Variants in GNAS observed in about 807,000 individuals in gnomAD.
The protein encoded by GNAS is GNAS complex locus.
A neutral mutation model predicts 54.5 loss-of-function variants in GNAS; 8 were observed. That is an observed-to-expected ratio of 0.15 (90% confidence interval 0.09 to 0.26). GNAS has a LOEUF of 0.26. GNAS is among the 10% of genes least tolerant of loss of function. The pLI is 1.00. For missense variants in GNAS, 170 were observed against 529.8 expected (o/e 0.32, Z 6.67); for synonymous variants, 204 against 191.4 (o/e 1.07, Z -0.54).
chr20:58,852,997 G>C, intron 1 of GNAS: 1 of 1,266,204 alleles, frequency 7.9e-7, no homozygotes, highest in Non-Finnish European at 9.9e-7. Context: ...GACCAAGGAA[G>C]AGGGGCTGGG....
At chr20:58,900,144 T>C in intron 3 of GNAS, 1 of 583,222 alleles carries the variant, frequency 1.7e-6, no homozygotes, top group Non-Finnish European at 3.1e-6. Flanking sequence ...TGAACTGAAA[T>C]CCTTAATTGG....
chr20:58,865,690 T>C (rs9679921), intron 1 of GNAS, among the ~76,000 whole-genome samples: 65,327 of 150,858 alleles, frequency 0.43, 17,023 homozygotes, highest in African/African-American at 0.73. Flanking sequence ...GACTCTCCTG[T>C]CTCAGCCTCC....
chr20:58,899,040 T>G (rs2146081218), intron 3 of GNAS, 55 bp downstream of exon 3: 120 of 1,113,006 alleles, frequency 1.1e-4, no homozygotes, highest in Non-Finnish European at 1.5e-4. Context: ...AACATGAAGA[T>G]CATACTGGGA....
In GNAS at chr20:58,841,353, T is replaced by C. The variant is rs1157949549; in HGVS notation, c.43+467T>C. On this transcript the variant is annotated intron_variant, in intron 1 of 12. Transcript: ENST00000306090. This position sits in a 1 kb window ranked among gnomAD's most constrained non-coding sequence, Gnocchi z 5.0. The stretch of plus-strand genomic sequence containing the variant: ...TTTCACGATGTGAGAGCAGCCGCGC[T>C]GTAGAGACACCGTTGAAATGTGCGG... The C allele has an allele frequency of 1.9e-6, 2 of 1,048,760 alleles. No homozygotes were observed. Among genetic ancestry groups the C allele is most frequent in the African/African-American group, 1.7e-5 (1 of 58,744 alleles). 65.0% of individuals were successfully genotyped at this position (1,048,760 alleles called of 1,614,324 possible).
intron 1 of GNAS, among the ~76,000 whole-genome samples, chr20:58,880,690 AT>A (rs373912372): frequency 6.6e-6 from 1 of 150,992 alleles, no homozygotes; most frequent in Admixed American, 6.6e-5. Context: ...CTAGTTGTGT[AT>A]TTTTTCCCTT....
rs2086529940 is a variant in GNAS at position 58,856,695 on chromosome 20, T to C, written c.43+15809T>C. 1 of 152,196 alleles carries C rather than the reference T, an allele frequency of 6.6e-6. No homozygotes were observed. Among genetic ancestry groups the C allele is most frequent in the African/African-American group, 2.4e-5 (1 of 41,442 alleles). 9.4% of individuals were successfully genotyped at this position (152,196 alleles called of 1,614,324 possible). A position where few individuals can be genotyped will look rare whatever the true frequency, so the allele number is the denominator to read the frequency against. On this transcript the variant is annotated intron_variant, in intron 1 of 12. Coordinates refer to the GNAS transcript ENST00000306090. This position sits in a 1 kb window ranked among gnomAD's most constrained non-coding sequence, Gnocchi z 4.2. ...TGTCAAAGGTAAGGTCTTCTGCAAA[T>C]TGGCTCTGGATACAAAAAATATATA...
At chr20:58,891,397 AGCGGCG>A (rs1010612633), upstream of GNAS, 4 of 242,268 alleles carry the variant, frequency 1.7e-5, no homozygotes, top group Middle Eastern at 4.6e-3. Flanking sequence ...AGGCAATAAG[AGCGGCG>A]GCGGCGGCAG....
rs752352440 is a variant in GNAS at position 58,863,184 on chromosome 20, G to T, written c.43+22298G>T. On this transcript the variant is annotated intron_variant, in intron 1 of 12. Transcript: ENST00000306090. This position sits in a 1 kb window ranked among gnomAD's most constrained non-coding sequence, Gnocchi z 4.1. ...CCTTTCAAGTTAGAATCAGTGGAGC[G>T]CTTTTCTACATGCAACAACTGGGAG... Among the ~76,000 whole-genome samples, 1 of 152,096 alleles carries T rather than the reference G, an allele frequency of 6.6e-6. No homozygotes were observed. Among genetic ancestry groups the T allele is most frequent in the East Asian group, 1.9e-4 (1 of 5,196 alleles).
chr20:58,861,358 T>C (rs2086773542), intron 1 of GNAS, among the ~76,000 whole-genome samples: 1 of 152,180 alleles, frequency 6.6e-6, no homozygotes, highest in Admixed American at 6.5e-5. Flanking sequence ...CGGAGGGAAC[T>C]AAAAGCACTG....
In GNAS at chr20:58,856,342, G is replaced by C. The variant is rs2086508851; in HGVS notation, c.43+15456G>C. 1 of 152,668 alleles carries C rather than the reference G, an allele frequency of 6.6e-6. No individual in the cohort carries two copies. Among genetic ancestry groups the C allele is most frequent in the Non-Finnish European group, 1.5e-5 (1 of 68,114 alleles). The allele number at this position is 152,668 out of a possible 1,614,324, so 9.5% of individuals were successfully genotyped here. A position where few individuals can be genotyped will look rare whatever the true frequency, so the allele number is the denominator to read the frequency against. On this transcript the variant is annotated intron_variant, in intron 1 of 12. Coordinates refer to the GNAS transcript ENST00000306090. This position sits in a 1 kb window ranked among gnomAD's most constrained non-coding sequence, Gnocchi z 4.2. ...GCAAGTCCGGATCCCAAACCACTTGGGGGCTGGTTCCAAGGGGGTGGGCGT... is the reference window on the plus strand; with the variant it reads ...GCAAGTCCGGATCCCAAACCACTTGCGGGCTGGTTCCAAGGGGGTGGGCGT...
At position 58,855,463 on chromosome 20, in the gene GNAS, T is replaced by C. The variant is rs939519343; in HGVS notation, c.43+14577T>C. The C allele has an allele frequency of 1.3e-5, 11 of 872,516 alleles. No homozygotes were observed. In the African/African-American group the frequency reaches 1.5e-4, roughly 12 times the overall value. 54.0% of individuals were successfully genotyped at this position (872,516 alleles called of 1,614,324 possible). A position where few individuals can be genotyped will look rare whatever the true frequency, so the allele number is the denominator to read the frequency against. ...GGTCCAGCCAAAGGCGGGAAGAACTTGCTAGAAAGTTCCAGGGAGGGACCC... is the reference window on the plus strand; with the variant it reads ...GGTCCAGCCAAAGGCGGGAAGAACTCGCTAGAAAGTTCCAGGGAGGGACCC... On this transcript the variant is annotated intron_variant, in intron 1 of 12. Transcript: ENST00000306090.
At chr20:58,899,040 T>A in intron 3 of GNAS, 55 bp downstream of exon 3, 744 of 1,112,588 alleles carry the variant, frequency 6.7e-4, no homozygotes, top group Non-Finnish European at 9.6e-4. Flanking sequence ...AACATGAAGA[T>A]CATACTGGGA....
chr20:58,869,491 G>A (rs2087293020), intron 1 of GNAS, among the ~76,000 whole-genome samples: 1 of 152,150 alleles, frequency 6.6e-6, no homozygotes, highest in African/African-American at 2.4e-5. Context: ...CCTCAATCAA[G>A]GGCTAGAAAA....
chr20:58,876,167 C>T (rs1179561239), intron 1 of GNAS, among the ~76,000 whole-genome samples: 1 of 152,156 alleles, frequency 6.6e-6, no homozygotes, highest in East Asian at 1.9e-4. Flanking sequence ...AACCCAAAAG[C>T]CTGCCAATTA....
At chr20:58,840,054 C>T, upstream of GNAS, 1 of 1,591,906 alleles carries the variant, frequency 6.3e-7, no homozygotes, top group South Asian at 1.1e-5. This position sits in a 1 kb window ranked among gnomAD's most constrained non-coding sequence, Gnocchi z 6.0. Context: ...GCTTCGGAGC[C>T]ACTCTCTGCA....
rs1279088844 is a variant in GNAS at position 58,852,211 on chromosome 20, C to A, written c.43+11325C>A. Among the ~76,000 whole-genome samples the A allele has an allele frequency of 2.6e-5, 4 of 152,102 alleles. No individual in the cohort carries two copies. The East Asian group carries it at 5.8e-4, about 22-fold the overall frequency. The stretch of plus-strand genomic sequence containing the variant: ...ACCATCCACATAAACAAGAGAGCAC[C>A]CTGCTTGCGCCGCTGTGGGCCACTG... On this transcript the variant is annotated intron_variant, in intron 1 of 12. Coordinates refer to the GNAS transcript ENST00000306090.
intron 1 of GNAS, among the ~76,000 whole-genome samples, chr20:58,868,370 T>C (rs2087197628): frequency 6.6e-6 from 1 of 152,112 alleles, no homozygotes; most frequent in African/African-American, 2.4e-5. Context: ...GCCAGGCTGG[T>C]CTCCAACTCC....
intron 1 of GNAS, among the ~76,000 whole-genome samples, chr20:58,894,320 AAT>A (rs1291984454): frequency 1.3e-5 from 2 of 152,206 alleles, no homozygotes; most frequent in Admixed American, 1.3e-4. Flanking sequence ...GGCCTCTCTT[AAT>A]AGTGCCATTT....
chr20:58,892,765 C>T (rs1207571891), intron 1 of GNAS, among the ~76,000 whole-genome samples: 2 of 151,852 alleles, frequency 1.3e-5, no homozygotes, highest in South Asian at 2.1e-4. Flanking sequence ...ACGAGAAGTG[C>T]CCAGTGAAGC....
Sources: gnomAD v4.1 joint callset for allele counts (sites outside exome capture counted in the v4.1 genomes callset) on GRCh38, gnomAD v4.1.1 for gene constraint, Gnocchi (gnomAD v3.1) non-coding constraint, MANE v1.5 for transcripts, NCBI Gene and HGNC (gene_info 2026-07-23, HGNC 2026-07-21) for gene names.